GALNT14: variants seen among roughly 807,000 people sequenced by gnomAD.
GALNT14 encodes polypeptide N-acetylgalactosaminyltransferase 14.
In GALNT14, 60 loss-of-function variants were observed where a neutral mutation model predicts 77.5. The observed-to-expected ratio is 0.77, with a 90% CI of 0.63 to 0.96. The LOEUF (loss-of-function observed/expected upper bound fraction) is 0.96, where lower values mean the gene tolerates loss of function less well. GALNT14 is among the 40% of genes least tolerant of loss of function. The probability of loss-of-function intolerance (pLI) is 0.00; values close to 1 mark genes in which losing one functional copy is unlikely to be tolerated. For missense variants in GALNT14, 710 were observed against 731.0 expected, an observed-to-expected ratio of 0.97 and a Z score of 0.33; for synonymous variants, 280 against 281.7, an observed-to-expected ratio of 0.99 and a Z score of 0.06.
chr2:30,901,225 A>G, the GALNT14 span, among the ~76,000 whole-genome samples: 1 of 152,222 alleles, frequency 6.6e-6, no homozygotes, highest in Non-Finnish European at 1.5e-5. Flanking sequence ...ATGAGCTCAC[A>G]GGGAGAAATT....
chr2:30,924,956 A>C, intron 11 of GALNT14, 133 bp from the exon 12 acceptor site: 1 of 633,374 alleles, frequency 1.6e-6, no homozygotes, highest in South Asian at 2.0e-5. Context: ...ATCTCTCTGG[A>C]AGGTGCTGGG....
chr2:31,110,499 G>T (rs1677779984), intron 1 of GALNT14, among the ~76,000 whole-genome samples: 2 of 152,212 alleles, frequency 1.3e-5, no homozygotes, highest in African/African-American at 4.8e-5. Context: ...GTGCTGGCTT[G>T]CATGAAGACT....
chr2:30,946,956 A>G (rs1666734109), intron 6 of GALNT14, among the ~76,000 whole-genome samples: 1 of 152,068 alleles, frequency 6.6e-6, no homozygotes, highest in African/African-American at 2.4e-5. Flanking sequence ...CTTCTCCCCA[A>G]ACATGCTCCC....
chr2:30,895,371 A>G, the GALNT14 span, among the ~76,000 whole-genome samples: 710 of 152,290 alleles, frequency 4.7e-3, 4 homozygotes, highest in African/African-American at 0.016. Flanking sequence ...ACACGGAGAC[A>G]CAAAGTGTTC....
At chr2:31,028,277 T>C (rs957974075) in intron 1 of GALNT14, among the ~76,000 whole-genome samples, 1 of 152,122 alleles carries the variant, frequency 6.6e-6, no homozygotes, top group African/African-American at 2.4e-5. Context: ...TTCCCTCCTC[T>C]GAGGTGATGA....
chr2:31,036,095 T>C (rs1478891256), intron 1 of GALNT14, among the ~76,000 whole-genome samples: 1 of 152,228 alleles, frequency 6.6e-6, no homozygotes, highest in African/African-American at 2.4e-5. Flanking sequence ...TGCCACGCTC[T>C]GTTTTTTGAT....
At chr2:31,005,285 G>A (rs1392882953) in intron 1 of GALNT14, among the ~76,000 whole-genome samples, 1 of 152,172 alleles carries the variant, frequency 6.6e-6, no homozygotes, top group Non-Finnish European at 1.5e-5. Flanking sequence ...GGGGTGGGGA[G>A]TGGAGATGGG....
chr2:31,105,610 C>CA (rs2148618770), intron 1 of GALNT14, among the ~76,000 whole-genome samples: 1 of 152,150 alleles, frequency 6.6e-6, no homozygotes, highest in South Asian at 2.1e-4. Context: ...CCTGTAATCC[C>CA]ACCTATTTGG....
At chr2:31,083,646 G>A (rs1406670860) in intron 1 of GALNT14, among the ~76,000 whole-genome samples, 1 of 152,198 alleles carries the variant, frequency 6.6e-6, no homozygotes, top group Admixed American at 6.5e-5. Flanking sequence ...CACAGTATCT[G>A]AGAAAGTTGA....
At chr2:31,042,000 A>T (rs144684740) in intron 1 of GALNT14, among the ~76,000 whole-genome samples, 10 of 152,292 alleles carry the variant, frequency 6.6e-5, no homozygotes, top group African/African-American at 2.4e-4. Context: ...TGAGCTCAGG[A>T]TAAAATGTCC....
chr2:30,924,410 A>ACCTCATT, intron 12 of GALNT14, 147 bp from the exon 13 acceptor site: 1 of 813,300 alleles, frequency 1.2e-6, no homozygotes, highest in Non-Finnish European at 1.9e-6. Flanking sequence ...GCAGGGTGCC[A>ACCTCATT]CTAAGAATGA....
intron 8 of GALNT14, among the ~76,000 whole-genome samples, chr2:30,942,951 T>C (rs1187983689): frequency 6.6e-6 from 1 of 152,114 alleles, no homozygotes; most frequent in Non-Finnish European, 1.5e-5. Context: ...CCAATATGAC[T>C]GGTGTCCTTA....
Position 30,989,594 on chromosome 2 carries a change from ATTAG to A in GALNT14, c.299+3240_299+3243del, listed in dbSNP as rs1195324846. Reference sequence around the variant, plus strand: ...TATATATATATATAAAAATATATATATTAGTAGATATATAAAAATATATATTAGT... The same window carrying A: ...TATATATATATATAAAAATATATATATAGATATATAAAAATATATATTAGT... On this transcript the variant is annotated intron_variant, in intron 2 of 14. Transcript: ENST00000349752. 4.2e-3 allele frequency among the ~76,000 whole-genome samples: 539 copies of A among 127,476 alleles called. 2 individuals carry two copies. Among genetic ancestry groups the A allele is most frequent in the South Asian group, 6.1e-3 (25 of 4,070 alleles). 83.6% of individuals were successfully genotyped at this position (127,476 alleles called of 152,430 possible).
In GALNT14 at chr2:30,955,916, C is replaced by A. The variant is rs753205219; in HGVS notation, c.528G>T (p.Arg176=). ...PKVKCLRNNE[R]QGLVRSRIRG... ...CGCACAACAGCTCAGACCTACCTTG[C>A]CGTTCATTATTGCGCAAGCATTTCA... The change falls in exon 5 of 15, where the codon CGG becomes CGT. Residue 176 remains arginine, a synonymous_variant. Coordinates refer to ENST00000349752, the MANE Select transcript of GALNT14 (RefSeq NM_024572.4). 1.2e-6 allele frequency: 2 copies of A among 1,613,878 alleles called. No individual in the cohort carries two copies. Among genetic ancestry groups the A allele is most frequent in the Non-Finnish European group, 8.5e-7 (1 of 1,180,044 alleles).
chr2:31,133,301 G>C (rs1191758542), intron 1 of GALNT14, among the ~76,000 whole-genome samples: 1 of 152,208 alleles, frequency 6.6e-6, no homozygotes, highest in Non-Finnish European at 1.5e-5. Context: ...CCTGGACAGA[G>C]TCCAATATGC....
chr2:31,062,256 C>T (rs1158237072), intron 1 of GALNT14, among the ~76,000 whole-genome samples: 2 of 152,104 alleles, frequency 1.3e-5, no homozygotes, highest in Non-Finnish European at 2.9e-5. Flanking sequence ...ATGTTCCCCT[C>T]CCTGTGTCCA....
chr2:30,917,955 A>T (rs1340670956), intron 13 of GALNT14, among the ~76,000 whole-genome samples: 1 of 152,216 alleles, frequency 6.6e-6, no homozygotes, highest in African/African-American at 2.4e-5. Flanking sequence ...TGCCCTCGTG[A>T]TGCCTCTGGC....
chr2:31,063,011 G>A (rs1674703168), intron 1 of GALNT14, among the ~76,000 whole-genome samples: 1 of 152,130 alleles, frequency 6.6e-6, no homozygotes, highest in South Asian at 2.1e-4. Flanking sequence ...CATTCTGTAG[G>A]TTGTCTGTTC....
chr2:30,913,575 A>G (rs1018506786), intron 13 of GALNT14, among the ~76,000 whole-genome samples: 1 of 152,132 alleles, frequency 6.6e-6, no homozygotes, highest in Non-Finnish European at 1.5e-5. Context: ...GGTTCGGAGG[A>G]ACCACTCCCA....
Sources: allele counts gnomAD v4.1 joint callset (sites outside exome capture counted in the v4.1 genomes callset), GRCh38; gene constraint gnomAD v4.1.1; transcripts MANE v1.5; gene names NCBI Gene and HGNC (gene_info 2026-07-23, HGNC 2026-07-21).